CSMD3: variants seen among roughly 807,000 people sequenced by gnomAD.
CSMD3 encodes the protein CUB and Sushi multiple domains 3, also known as CUB and sushi domain-containing protein 3.
Under a neutral mutation model 435.2 loss-of-function variants are expected in CSMD3, and 177 were observed. That is an observed-to-expected ratio of 0.41 (90% CI 0.36 to 0.46). The LOEUF (loss-of-function observed/expected upper bound fraction) is 0.46, where lower values mean the gene tolerates loss of function less well. CSMD3 is among the 20% of genes least tolerant of loss of function. The probability of loss-of-function intolerance (pLI) is 0.34; values close to 1 mark genes in which losing one functional copy is unlikely to be tolerated. For synonymous variants in CSMD3, 1,656 were observed against 1,520.5 expected (o/e 1.09, Z -2.07); for missense variants, 4,265 against 4,504.6 (o/e 0.95, Z 1.52).
Position 112,314,582 on chromosome 8 carries a change from T to C in CSMD3, c.7396A>G (p.Thr2466Ala), listed in dbSNP as rs1325181006. 2 of 1,612,730 alleles carry C rather than the reference T, an allele frequency of 1.2e-6. No individual in the cohort carries two copies. The highest frequency in any genetic ancestry group is 3.3e-5 in the Admixed American group (2 of 59,984). ...TATCCAGGGCTCAATATGACTCCAG[T>C]AGAATCTAGCCGTAATTCATTGGCA... ...CPANELRLDSTGVILSPGYPD... is the reference protein window; with the variant it reads ...CPANELRLDSAGVILSPGYPD... The change falls in exon 48 of 71, where the codon ACT (threonine) becomes GCT (alanine). Residue 2466 changes from threonine to alanine, a missense_variant. Around this residue, in one of 3 missense-constraint regions of CSMD3, gnomAD observed 3,255 missense variants for 3,380.2 expected, o/e 0.96. Coordinates refer to ENST00000297405, the MANE Select transcript of CSMD3 (RefSeq NM_198123.2).
At chr8:112,815,243 T>A (rs1563987754) in intron 12 of CSMD3, among the ~76,000 whole-genome samples, 1 of 152,170 alleles carries the variant, frequency 6.6e-6, no homozygotes, top group Non-Finnish European at 1.5e-5. Context: ...TTAGTTCACT[T>A]AGCTGAGTTG....
intron 10 of CSMD3, among the ~76,000 whole-genome samples, chr8:112,874,544 TG>T (rs1270195994): frequency 2.0e-5 from 3 of 152,140 alleles, no homozygotes; most frequent in Admixed American, 2.0e-4. Flanking sequence ...TCTAAGTTTT[TG>T]TAGGGTCTCT....
intron 12 of CSMD3, among the ~76,000 whole-genome samples, chr8:112,803,686 C>T (rs1432560017): frequency 6.6e-6 from 1 of 152,134 alleles, no homozygotes; most frequent in Admixed American, 6.5e-5. Context: ...TTTATCTTGT[C>T]ACAATGTGAG....
intron 40 of CSMD3, among the ~76,000 whole-genome samples, chr8:112,348,425 G>C (rs759138879): frequency 2.6e-5 from 4 of 152,130 alleles, no homozygotes; most frequent in Non-Finnish European, 5.9e-5. Flanking sequence ...AGTTCACGAG[G>C]CTGTAGCCTT....
At chr8:113,225,822 C>T (rs542246058) in intron 3 of CSMD3, among the ~76,000 whole-genome samples, 11 of 151,536 alleles carry the variant, frequency 7.3e-5, no homozygotes, top group African/African-American at 2.7e-4. Flanking sequence ...TGGTCTGGTT[C>T]TATGTCCCCA....
chr8:112,729,026 T>A (rs961002641), intron 13 of CSMD3, among the ~76,000 whole-genome samples: 1 of 151,990 alleles, frequency 6.6e-6, no homozygotes, highest in African/African-American at 2.4e-5. Context: ...AAAACTGACA[T>A]TTTTATTTTT....
At chr8:112,922,075 T>C (rs1341080837) in intron 9 of CSMD3, among the ~76,000 whole-genome samples, 2 of 152,080 alleles carry the variant, frequency 1.3e-5, no homozygotes, top group African/African-American at 4.8e-5. Flanking sequence ...GGTGTTTTTC[T>C]GGCATGTATT....
intron 70 of CSMD3, among the ~76,000 whole-genome samples, chr8:112,228,421 T>C (rs975699542): frequency 6.6e-6 from 1 of 152,160 alleles, no homozygotes; most frequent in African/African-American, 2.4e-5. Flanking sequence ...CCTCTCCAAT[T>C]TAAACTTTAA....
At chr8:112,948,408 C>A (rs142305599) in intron 8 of CSMD3, among the ~76,000 whole-genome samples, 1 of 152,056 alleles carries the variant, frequency 6.6e-6, no homozygotes, top group Non-Finnish European at 1.5e-5. Flanking sequence ...ACTAGGCATG[C>A]CTTTAAATTA....
intron 20 of CSMD3, among the ~76,000 whole-genome samples, chr8:112,639,401 T>C (rs774068090): frequency 8.5e-5 from 13 of 152,146 alleles, no homozygotes; most frequent in Non-Finnish European, 1.8e-4. Context: ...ATGAATGTAA[T>C]TATTCTCCAT....
intron 22 of CSMD3, among the ~76,000 whole-genome samples, chr8:112,634,953 A>G (rs2131573381): frequency 6.6e-6 from 1 of 152,132 alleles, no homozygotes; most frequent in South Asian, 2.1e-4. Flanking sequence ...CAAGTTATTT[A>G]GCATCTCTAA....
At position 112,681,219 on chromosome 8, in the gene CSMD3, A is replaced by G. The variant is rs370194603; in HGVS notation, c.2677+1223T>C. Reference sequence around the variant, plus strand: ...CCGGCTAGTTTTTTTTCTTATTAATATTATTATTTATTTTAGTAGAGACGG... The same window carrying G: ...CCGGCTAGTTTTTTTTCTTATTAATGTTATTATTTATTTTAGTAGAGACGG... On this transcript the variant is annotated intron_variant, in intron 16 of 70. Transcript: ENST00000297405. Among the ~76,000 whole-genome samples, 10 of 150,940 alleles carry G rather than the reference A, an allele frequency of 6.6e-5. No individual in the cohort carries two copies. In the East Asian group the frequency reaches 2.0e-3, roughly 30 times the overall value.
chr8:112,487,609 T>C (rs2130827280), intron 31 of CSMD3, among the ~76,000 whole-genome samples: 1 of 152,218 alleles, frequency 6.6e-6, no homozygotes, highest in East Asian at 1.9e-4. Context: ...GCTCCAAAGA[T>C]CACTCTATTG....
intron 10 of CSMD3, among the ~76,000 whole-genome samples, chr8:112,871,090 CT>C (rs1211029815): frequency 6.6e-6 from 1 of 152,096 alleles, no homozygotes; most frequent in Admixed American, 6.5e-5. Context: ...AGGATCTCAT[CT>C]TTTAAAATGA....
chr8:113,377,220 G>C (rs1387830514), intron 1 of CSMD3: 2 of 949,888 alleles, frequency 2.1e-6, no homozygotes, highest in Non-Finnish European at 2.7e-6. Context: ...GCGAGAGACC[G>C]AAGGGCCAGC....
At chr8:112,329,514 C>T (rs1017150101) in intron 45 of CSMD3, among the ~76,000 whole-genome samples, 1 of 152,082 alleles carries the variant, frequency 6.6e-6, no homozygotes, top group Non-Finnish European at 1.5e-5. Flanking sequence ...AATTATGTTT[C>T]CTTGAACCCT....
intron 32 of CSMD3, among the ~76,000 whole-genome samples, chr8:112,415,773 G>A (rs1187188282): frequency 5.9e-5 from 9 of 152,200 alleles, no homozygotes; most frequent in Admixed American, 5.9e-4. Context: ...GAGACATGAA[G>A]TCAAAGAAGA....
chr8:112,462,792 T>C (rs573532521), intron 32 of CSMD3, among the ~76,000 whole-genome samples: 17 of 152,180 alleles, frequency 1.1e-4, no homozygotes, highest in Non-Finnish European at 2.4e-4. Context: ...CCCCTCTGCC[T>C]CATATCTGGG....
At chr8:113,342,093 CAA>C (rs2094123267) in intron 1 of CSMD3, among the ~76,000 whole-genome samples, 1 of 150,088 alleles carries the variant, frequency 6.7e-6, no homozygotes, top group African/African-American at 2.4e-5. Flanking sequence ...AAAAAAAAAA[CAA>C]GAAGAAAATT....
Sources: allele counts gnomAD v4.1 joint callset (sites outside exome capture counted in the v4.1 genomes callset), GRCh38; gene constraint gnomAD v4.1.1; regional missense constraint gnomAD v4.1.1; transcripts MANE v1.5; gene names NCBI Gene and HGNC (gene_info 2026-07-23, HGNC 2026-07-21).